MAP3K6: variants seen among roughly 807,000 people sequenced by gnomAD.
MAP3K6 encodes the protein apoptosis signal-regulating kinase 2.
Under a neutral mutation model 147.1 loss-of-function variants are expected in MAP3K6, and 105 were observed. That is an observed-to-expected ratio of 0.71 (90% CI 0.61 to 0.84). The LOEUF (loss-of-function observed/expected upper bound fraction) is 0.84. Ranked by LOEUF, MAP3K6 falls within the 40% of genes least tolerant of loss-of-function variation. The pLI is 0.00. For missense variants in MAP3K6, 1,569 were observed against 1,715.0 expected (o/e 0.91, Z 1.50); for synonymous variants, 695 against 732.4 (o/e 0.95, Z 0.82).
Position 27,364,303 on chromosome 1 carries a change from G to C in MAP3K6, c.596C>G (p.Ala199Gly). Residue 199 changes from alanine to glycine, a missense_variant, in exon 4 of 29, where the codon GCT (alanine) becomes GGT (glycine). Transcript: ENST00000357582. This position sits in a 1 kb window ranked among gnomAD's most constrained non-coding sequence, Gnocchi z 4.4. ...CGDAGLLRGL[A>G]DGLVQAGVGT... is the part of the protein sequence containing the mutation. Reference sequence around the variant, plus strand: ...CACTCCAGCCTGTACCAGCCCATCAGCCAGGCCCCGCAGAAGGCCTGCATC... The same window carrying C: ...CACTCCAGCCTGTACCAGCCCATCACCCAGGCCCCGCAGAAGGCCTGCATC... 4 of 1,613,966 alleles carry C rather than the reference G, an allele frequency of 2.5e-6. No homozygotes were observed. The highest frequency in any genetic ancestry group is 3.4e-6 in the Non-Finnish European group (4 of 1,180,034).
In MAP3K6 at chr1:27,364,661, C is replaced by A. The variant is rs753509136; in HGVS notation, c.504G>T (p.Ser168=). The A allele has an allele frequency of 6.2e-7, 1 of 1,613,984 alleles. No individual in the cohort carries two copies. The highest frequency in any genetic ancestry group is 8.5e-7 in the Non-Finnish European group (1 of 1,180,008). ...TGAGTGAGAGGTGGATTCTGCTCAC[C>A]GAGTTCTTCTGGAAAACATCCTCCT... ...ALREDVFQKN[S]DCVGSYTLIP... Residue 168 remains serine, a splice_region_variant and synonymous_variant, in exon 3 of 29, where the codon TCG becomes TCT. Transcript: ENST00000357582. This position sits in a 1 kb window ranked among gnomAD's most constrained non-coding sequence, Gnocchi z 4.4.
In MAP3K6 at chr1:27,356,502, T is replaced by C; in HGVS notation, c.3525-2A>G. 1 of 1,613,556 alleles carries C rather than the reference T, an allele frequency of 6.2e-7. No individual in the cohort carries two copies. Among genetic ancestry groups the C allele is most frequent in the South Asian group, 1.1e-5 (1 of 90,978 alleles). On this transcript the variant is annotated splice_acceptor_variant, in intron 25 of 28. Transcript: ENST00000357582. LOFTEE classifies it high-confidence loss of function. ...TTCCCCGCCAGGATTTCGCGCAGCC[T>C]GTGGGGCGCAGAAGAGTAGAATGGA... is the stretch of plus-strand genomic sequence containing the variant.
At chr1:27,356,778 AG>A in intron 24 of MAP3K6, 29 bp from the exon 25 acceptor site, 3 of 1,530,490 alleles carry the variant, frequency 2.0e-6, no homozygotes, top group Middle Eastern at 2.3e-4. Flanking sequence ...AACTCAGGCA[AG>A]GCTACAACGC....
intron 26 of MAP3K6, 27 bp downstream of exon 26, chr1:27,356,361 A>G: frequency 6.4e-7 from 1 of 1,570,868 alleles, no homozygotes; most frequent in Non-Finnish European, 8.6e-7. Context: ...ACCCACCAAT[A>G]ATGTTCTCCA....
chr1:27,364,609 G>A lies in MAP3K6; in HGVS notation c.504+52C>T. ...CCAGGGGGATTAGTGGAGGTCAGAG[G>A]TCATAGCGGAAGTCAAAGGGCACTT... is the stretch of plus-strand genomic sequence containing the variant. On this transcript the variant is annotated intron_variant, in intron 3 of 28. Transcript: ENST00000357582. This position sits in a 1 kb window ranked among gnomAD's most constrained non-coding sequence, Gnocchi z 4.4. The A allele has an allele frequency of 6.2e-7, 1 of 1,613,272 alleles. No homozygotes were observed. Among genetic ancestry groups the A allele is most frequent in the Non-Finnish European group, 8.5e-7 (1 of 1,179,216 alleles).
At position 27,362,143 on chromosome 1, in the gene MAP3K6, T is replaced by C. The variant is rs1431992185; in HGVS notation, c.1363A>G (p.Thr455Ala). ...LGAQILANDPTQVVLAAEQLY... is the reference protein window; with the variant it reads ...LGAQILANDPAQVVLAAEQLY... ...TGCTCTGCAGCCAGCACCACCTGGG[T>C]GGGGTCATTGGCGAGGATCTGGGCT... is the stretch of plus-strand genomic sequence containing the variant. The change falls in exon 9 of 29, where the codon ACC becomes GCC. Residue 455 changes from threonine to alanine, a missense_variant. By Grantham distance (58) the Thr-to-Ala change is moderately conservative. Coordinates refer to ENST00000357582, the MANE Select transcript of MAP3K6 (RefSeq NM_004672.5). The C allele has an allele frequency of 4.3e-6, 7 of 1,613,458 alleles. No individual in the cohort carries two copies. The Admixed American group carries it at 1.2e-4, about 27-fold the overall frequency.
intron 9 of MAP3K6, 92 bp downstream of exon 9, chr1:27,361,999 A>G (rs2148056030): frequency 6.5e-7 from 1 of 1,527,790 alleles, no homozygotes; most frequent in Non-Finnish European, 8.8e-7. Context: ...CAGCCAGGTC[A>G]TTGGCTCAGG....
In MAP3K6 at chr1:27,358,591, A is replaced by G. The variant is rs1449251114; in HGVS notation, c.2604T>C (p.His868=). ...AMFQVGMYKV[H]PPMPSSLSAE... is the part of the protein sequence containing the mutation. The stretch of plus-strand genomic sequence containing the variant: ...CCGACAGAGAGCTGGGCATTGGCGG[A>G]TGGACCTTGTACATACCCACCTGTG... The change falls in exon 20 of 29, where the codon CAT becomes CAC. Residue 868 remains histidine (H), a synonymous_variant. Transcript: ENST00000357582. The surrounding 1 kb of genome is among the most constrained non-coding windows in gnomAD (Gnocchi z 6.2). 1.9e-6 allele frequency: 3 copies of G among 1,613,352 alleles called. No individual in the cohort carries two copies. The highest frequency in any genetic ancestry group is 3.3e-5 in the Admixed American group (2 of 59,784).
Position 27,355,297 on chromosome 1 carries a change from C to A in MAP3K6, c.*94G>T. 8.1e-7 allele frequency: 1 copy of A among 1,239,476 alleles called. No individual in the cohort carries two copies. 76.8% of individuals were successfully genotyped at this position (1,239,476 alleles called of 1,614,324 possible). ...ACTCGCCTGGCTTCCTCCAGTCGCCCCAGGTCCTGGGGCTGGTGTGTCAGA... is the reference window on the plus strand; with the variant it reads ...ACTCGCCTGGCTTCCTCCAGTCGCCACAGGTCCTGGGGCTGGTGTGTCAGA... On this transcript the variant is annotated 3_prime_UTR_variant, in exon 29 of 29. Coordinates refer to ENST00000357582, the MANE Select transcript of MAP3K6 (RefSeq NM_004672.5).
chr1:27,366,330 G>A lies in MAP3K6; in HGVS notation c.268C>T (p.Gln90Ter). The A allele has an allele frequency of 7.7e-7, 1 of 1,298,354 alleles. No homozygotes were observed. The highest frequency in any genetic ancestry group is 9.8e-7 in the Non-Finnish European group (1 of 1,024,936). The allele number at this position is 1,298,354 out of a possible 1,614,324, so 80.4% of individuals were successfully genotyped here. A position where few individuals can be genotyped will look rare whatever the true frequency, so the allele number is the denominator to read the frequency against. ...GTCCCGAAGGGCAGGCTGCGCAGCT[G>A]CGGGGGCGGCCGCGGCCGGGGGACC... is the stretch of plus-strand genomic sequence containing the variant. ...AQVPRPRPPP[Q>*]LRSLPFGTLE... Residue 90 changes from glutamine (Q) to a stop codon, truncating the protein, a stop_gained, in exon 1 of 29, where the codon CAG becomes TAG. Transcript: ENST00000357582. LOFTEE classifies it high-confidence loss of function. The surrounding 1 kb of genome is among the most constrained non-coding windows in gnomAD (Gnocchi z 5.5).
chr1:27,360,506 G>A lies in MAP3K6; in HGVS notation c.2055-138C>T. On this transcript the variant is annotated intron_variant, in intron 15 of 28. Coordinates refer to ENST00000357582, the MANE Select transcript of MAP3K6 (RefSeq NM_004672.5). This position sits in a 1 kb window ranked among gnomAD's most constrained non-coding sequence, Gnocchi z 4.5. ...CGACCTTCCCCACCCTTACTACCCT[G>A]CCCACAGGACCCTCCAGACCTCAAT... 8.9e-7 allele frequency: 1 copy of A among 1,118,454 alleles called. No individual in the cohort carries two copies. Among genetic ancestry groups the A allele is most frequent in the Non-Finnish European group, 1.1e-6 (1 of 870,694 alleles). 69.3% of individuals were successfully genotyped at this position (1,118,454 alleles called of 1,614,324 possible).
Position 27,361,762 on chromosome 1 carries a change from G to T in MAP3K6, c.1521C>A (p.Phe507Leu). ...TGAATGGTTGGCAGGACTGTAGCAA[G>T]AAGTGGAGCCAGAAGTGGGCACGGC... ...PPRRAHFWLH[F>L]LLQSCQPFKT... Residue 507 changes from phenylalanine to leucine, a missense_variant, in exon 10 of 29, where the codon TTC becomes TTA. By Grantham distance (22) the Phe-to-Leu change is conservative. Coordinates refer to ENST00000357582, the MANE Select transcript of MAP3K6 (RefSeq NM_004672.5). 6.2e-7 allele frequency: 1 copy of T among 1,613,320 alleles called. No individual in the cohort carries two copies. Among genetic ancestry groups the T allele is most frequent in the Non-Finnish European group, 8.5e-7 (1 of 1,179,654 alleles).
intron 6 of MAP3K6, among the ~76,000 whole-genome samples, 185 bp downstream of exon 6, chr1:27,363,257 C>G (rs1337840176): frequency 6.6e-6 from 1 of 152,120 alleles, no homozygotes; most frequent in Non-Finnish European, 1.5e-5. Flanking sequence ...ACAGGCAGCA[C>G]CACCTCCCCC....
In MAP3K6 at chr1:27,364,202, A is replaced by G. The variant is rs1398521146; in HGVS notation, c.695+2T>C. 1 of 1,610,722 alleles carries G rather than the reference A, an allele frequency of 6.2e-7. No individual in the cohort carries two copies. On this transcript the variant is annotated splice_donor_variant, in intron 4 of 28. Coordinates refer to ENST00000357582, the MANE Select transcript of MAP3K6 (RefSeq NM_004672.5). LOFTEE classifies it high-confidence loss of function. This position sits in a 1 kb window ranked among gnomAD's most constrained non-coding sequence, Gnocchi z 4.4. ...AGCACCCTCCCTGGGGGCCTTCATT[A>G]CCAAGAGTCTGTGGGTGTGGCCTCC...
In MAP3K6 at chr1:27,364,498, A is replaced by G. The variant is rs1327972337; in HGVS notation, c.505-104T>C. 14 of 1,539,340 alleles carry G rather than the reference A, an allele frequency of 9.1e-6. No individual in the cohort carries two copies. In the Admixed American group the frequency reaches 2.4e-4, roughly 26 times the overall value. On this transcript the variant is annotated intron_variant, in intron 3 of 28. Transcript: ENST00000357582. This position sits in a 1 kb window ranked among gnomAD's most constrained non-coding sequence, Gnocchi z 4.4. ...CAGCATCAGTGGGAATTGGAATCGC[A>G]GGAAAGGGGCACCCGTCATGAGAGG... is the stretch of plus-strand genomic sequence containing the variant.
rs1259299003 is a variant in MAP3K6 at position 27,364,355 on chromosome 1, T to C, written c.544A>G (p.Thr182Ala). Residue 182 changes from threonine to alanine, a missense_variant, in exon 4 of 29, where the codon ACG (threonine) becomes GCG (alanine). Physicochemically the swap from Thr to Ala is moderately conservative, Grantham distance 58. Coordinates refer to ENST00000357582, the MANE Select transcript of MAP3K6 (RefSeq NM_004672.5). This position sits in a 1 kb window ranked among gnomAD's most constrained non-coding sequence, Gnocchi z 4.4. ...GSYTLIPYVV[T>A]ATGRVLCGDA... ...CCACACAGCACCCGACCAGTGGCCG[T>C]CACCACATAGGGGATCAGTGTGTAG... is the stretch of plus-strand genomic sequence containing the variant. 6.2e-7 allele frequency: 1 copy of C among 1,613,984 alleles called. No homozygotes were observed. The highest frequency in any genetic ancestry group is 1.1e-5 in the South Asian group (1 of 91,074).
In MAP3K6 at chr1:27,366,427, G is replaced by A. The variant is rs1271263187; in HGVS notation, c.171C>T (p.Pro57=). The change falls in exon 1 of 29, where the codon CCC becomes CCT. Residue 57 remains proline (P), a synonymous_variant. Coordinates refer to ENST00000357582, the MANE Select transcript of MAP3K6 (RefSeq NM_004672.5). This position sits in a 1 kb window ranked among gnomAD's most constrained non-coding sequence, Gnocchi z 5.5. The part of the protein sequence containing the change: ...VVYVLTREPQ[P]GLEPREGTEA... ...CGGTTCCCTCCCGAGGCTCGAGCCC[G>A]GGCTGCGGCTCCCGGGTCAGCACGT... 5 of 1,221,536 alleles carry A rather than the reference G, an allele frequency of 4.1e-6. No individual in the cohort carries two copies. The highest frequency in any genetic ancestry group is 5.1e-6 in the Non-Finnish European group (5 of 981,220). The allele number at this position is 1,221,536 out of a possible 1,614,324, so 75.7% of individuals were successfully genotyped here.
chr1:27,362,320 G>A, intron 8 of MAP3K6, 70 bp from the exon 9 acceptor site: 1 of 1,480,332 alleles, frequency 6.8e-7, no homozygotes, highest in South Asian at 1.3e-5. Context: ...ATTTCTGTGG[G>A]CCCGAGTGTG....
Position 27,359,572 on chromosome 1 carries a change from G to T in MAP3K6, c.2320-50C>A, listed in dbSNP as rs7521552. On this transcript the variant is annotated intron_variant, in intron 17 of 28. Coordinates refer to ENST00000357582, the MANE Select transcript of MAP3K6 (RefSeq NM_004672.5). This position sits in a 1 kb window ranked among gnomAD's most constrained non-coding sequence, Gnocchi z 4.4. ...CTGGTCTGGGCCCCTGCCAGCAGAAGTAGACCCTCTTTCTGGGATCCCATC... is the reference window on the plus strand; with the variant it reads ...CTGGTCTGGGCCCCTGCCAGCAGAATTAGACCCTCTTTCTGGGATCCCATC... 2 of 1,612,602 alleles carry T rather than the reference G, an allele frequency of 1.2e-6. No homozygotes were observed. Among genetic ancestry groups the T allele is most frequent in the African/African-American group, 2.7e-5 (2 of 74,852 alleles).
Sources: allele counts gnomAD v4.1 joint callset (sites outside exome capture counted in the v4.1 genomes callset), GRCh38; gene constraint gnomAD v4.1.1; non-coding constraint Gnocchi (gnomAD v3.1); transcripts MANE v1.5; gene names NCBI Gene and HGNC (gene_info 2026-07-23, HGNC 2026-07-21).